Variants in SNRPD1 observed in about 807,000 individuals in gnomAD.
SNRPD1 encodes the protein small nuclear ribonucleoprotein Sm D1.
In SNRPD1, 1 loss-of-function variant was observed where a neutral mutation model predicts 14.4. That is an observed-to-expected ratio of 0.07 (90% CI 0.02 to 0.33). The LOEUF (loss-of-function observed/expected upper bound fraction) is 0.33. Among genes scored for constraint, SNRPD1 ranks in the 10% least tolerant of loss-of-function variants. SNRPD1 has a pLI of 1.00. For synonymous variants in SNRPD1, 42 were observed against 50.3 expected (o/e 0.83, Z 0.70); for missense variants, 52 against 146.4 (o/e 0.36, Z 3.33).
intron 1 of SNRPD1, among the ~76,000 whole-genome samples, chr18:21,616,887 C>T (rs970026493): frequency 4.6e-5 from 7 of 151,082 alleles, no homozygotes; most frequent in Non-Finnish European, 8.8e-5. Flanking sequence ...GGGATTTCAC[C>T]ACTTTGGCCA....
At chr18:21,622,638 T>G in intron 1 of SNRPD1, 87 bp from the exon 2 acceptor site, 1 of 679,418 alleles carries the variant, frequency 1.5e-6, no homozygotes, top group African/African-American at 1.8e-5. Flanking sequence ...CTAGCAAATT[T>G]TCAACATCGA....
chr18:21,615,525 G>A (rs2038950584), intron 1 of SNRPD1, among the ~76,000 whole-genome samples: 2 of 152,114 alleles, frequency 1.3e-5, no homozygotes, highest in African/African-American at 4.8e-5. Context: ...GGCTGAGGCA[G>A]GAGAATCCCT....
rs1485797910 is a variant in SNRPD1, at chr18:21,631,335, T to A, written c.*2197T>A. 1 of 151,450 alleles carries A rather than the reference T, an allele frequency of 6.6e-6. No homozygotes were observed. The highest frequency in any genetic ancestry group is 6.6e-5 in the Admixed American group (1 of 15,140). 9.4% of individuals were successfully genotyped at this position (151,450 alleles called of 1,614,324 possible). On this transcript the variant is annotated 3_prime_UTR_variant, in exon 4 of 4. Coordinates refer to ENST00000300413, the MANE Select transcript of SNRPD1 (RefSeq NM_006938.4). ...TTAGTAGAGACGGGGTTTCACCATG[T>A]TGGCCAGACTTAAGACAATTCTTTA... is the stretch of plus-strand genomic sequence containing the variant.
At position 21,619,558 on chromosome 18, in the gene SNRPD1, G is replaced by A. The variant is rs892820704; in HGVS notation, c.15-3167G>A. Among the ~76,000 whole-genome samples the A allele has an allele frequency of 7.3e-5, 11 of 150,114 alleles. No homozygotes were observed. The East Asian group carries it at 2.3e-3, about 32-fold the overall frequency. On this transcript the variant is annotated intron_variant, in intron 1 of 3. Transcript: ENST00000300413. Reference sequence around the variant, plus strand: ...CCAGCACTTTGGGAGGCCAAGGTGGGCAGATCACCTGAGGTCAGAAGTTCG... The same window carrying A: ...CCAGCACTTTGGGAGGCCAAGGTGGACAGATCACCTGAGGTCAGAAGTTCG...
At position 21,621,817 on chromosome 18, in the gene SNRPD1, TC is replaced by T. The variant is rs760220727; in HGVS notation, c.15-906del. On this transcript the variant is annotated intron_variant, in intron 1 of 3. Transcript: ENST00000300413. ...GTCTTGAATTCCTGACCTCAGATGA[TC>T]CGCCCTCCTCGGCCTCCCAAAGTGC... Among the ~76,000 whole-genome samples, 157 of 152,246 alleles carry T rather than the reference TC, an allele frequency of 1.0e-3. 1 individual carries two copies. The highest frequency in any genetic ancestry group is 1.1e-3 in the Non-Finnish European group (77 of 68,028).
rs1220420580 is a variant in SNRPD1, at chr18:21,630,835, AATAG to A, written c.*1701_*1704del. On this transcript the variant is annotated 3_prime_UTR_variant, in exon 4 of 4. Coordinates refer to ENST00000300413, the MANE Select transcript of SNRPD1 (RefSeq NM_006938.4). The stretch of plus-strand genomic sequence containing the variant: ...TTATACTAATATATAAATATATACT[AATAG>A]ATATATTAGTATACATGTAGAATGT... 2.0e-5 allele frequency: 3 copies of A among 148,504 alleles called. No individual in the cohort carries two copies. Among genetic ancestry groups the A allele is most frequent in the African/African-American group, 7.3e-5 (3 of 40,884 alleles). The allele number at this position is 148,504 out of a possible 1,614,324, so 9.2% of individuals were successfully genotyped here. A position where few individuals can be genotyped will look rare whatever the true frequency, so the allele number is the denominator to read the frequency against.
intron 1 of SNRPD1, among the ~76,000 whole-genome samples, chr18:21,620,258 A>G (rs2038988010): frequency 6.6e-6 from 1 of 151,496 alleles, no homozygotes; most frequent in Non-Finnish European, 1.5e-5. Flanking sequence ...CCGGCCAACT[A>G]ATTTTTTTTT....
rs56754076 is a variant in SNRPD1 at position 21,631,427 on chromosome 18, GTTTTTTTTTTTTTT to G, written c.*2302_*2315del. On this transcript the variant is annotated 3_prime_UTR_variant, in exon 4 of 4. Coordinates refer to ENST00000300413, the MANE Select transcript of SNRPD1 (RefSeq NM_006938.4). ...ACCAATATGTAATTTTTCTCCACAC[GTTTTTTTTTTTTTT>G]TTTTTTTTTTTTCTGGAGACAGTCT... 3.0e-5 allele frequency: 2 copies of G among 67,430 alleles called. No individual in the cohort carries two copies. The highest frequency in any genetic ancestry group is 7.9e-5 in the African/African-American group (1 of 12,602). 4.2% of individuals were successfully genotyped at this position (67,430 alleles called of 1,614,324 possible).
chr18:21,629,313 T>G lies in SNRPD1; in HGVS notation c.*175T>G. 1 of 550,738 alleles carries G rather than the reference T, an allele frequency of 1.8e-6. No individual in the cohort carries two copies. Among genetic ancestry groups the G allele is most frequent in the Non-Finnish European group, 3.3e-6 (1 of 305,880 alleles). 34.1% of individuals were successfully genotyped at this position (550,738 alleles called of 1,614,324 possible). A position where few individuals can be genotyped will look rare whatever the true frequency, so the allele number is the denominator to read the frequency against. ...AATTACCACAGTGAGAGCTAAGCAT[T>G]TCTACTGGGCAGTTTCATTTTTAGT... On this transcript the variant is annotated 3_prime_UTR_variant, in exon 4 of 4. Coordinates refer to ENST00000300413, the MANE Select transcript of SNRPD1 (RefSeq NM_006938.4).
At chr18:21,625,567 C>T (rs552197124) in intron 3 of SNRPD1, among the ~76,000 whole-genome samples, 7 of 151,920 alleles carry the variant, frequency 4.6e-5, no homozygotes, top group Admixed American at 1.3e-4. Flanking sequence ...CCACCCGCCT[C>T]GGCCTTCCAA....
intron 2 of SNRPD1, among the ~76,000 whole-genome samples, chr18:21,623,502 C>A (rs775566665): frequency 2.0e-5 from 3 of 152,196 alleles, no homozygotes; most frequent in Non-Finnish European, 2.9e-5. Context: ...AGGGTTCTTC[C>A]ATGGCTTGCT....
intron 3 of SNRPD1, among the ~76,000 whole-genome samples, chr18:21,625,377 C>T (rs897161567): frequency 1.5e-5 from 2 of 130,104 alleles, no homozygotes; most frequent in African/African-American, 3.2e-5. Context: ...AGTGCAGTGG[C>T]AGGATCTCAG....
At chr18:21,612,565 C>T in intron 1 of SNRPD1, 122 bp downstream of exon 1, 1 of 704,758 alleles carries the variant, frequency 1.4e-6, no homozygotes, top group Non-Finnish European at 2.2e-6. Flanking sequence ...CTGCTAACGG[C>T]CGGCCTTACT....
rs1254363704 is a variant in SNRPD1 at position 21,633,504 on chromosome 18, TAAAG to T, written c.*4368_*4371del. On this transcript the variant is annotated 3_prime_UTR_variant, in exon 4 of 4. Transcript: ENST00000300413. ...GTGAAATTCTTGTGGATCTGTGAAA[TAAAG>T]AGGAGTACTTTCTTTTCGTTTTTTT... 1 of 152,114 alleles carries T rather than the reference TAAAG, an allele frequency of 6.6e-6. No homozygotes were observed. The allele number at this position is 152,114 out of a possible 1,614,324, so 9.4% of individuals were successfully genotyped here. A position where few individuals can be genotyped will look rare whatever the true frequency, so the allele number is the denominator to read the frequency against.
rs2039081317 is a variant in SNRPD1 at position 21,631,290 on chromosome 18, C to T, written c.*2152C>T. 2 of 151,778 alleles carry T rather than the reference C, an allele frequency of 1.3e-5. No homozygotes were observed. Among genetic ancestry groups the T allele is most frequent in the South Asian group, 2.1e-4 (1 of 4,814 alleles). The allele number at this position is 151,778 out of a possible 1,614,324, so 9.4% of individuals were successfully genotyped here. A position where few individuals can be genotyped will look rare whatever the true frequency, so the allele number is the denominator to read the frequency against. On this transcript the variant is annotated 3_prime_UTR_variant, in exon 4 of 4. Transcript: ENST00000300413. ...GATTATAAGCGTGCGCCACCACACC[C>T]AGCTAATTTTTTTGTATTTTTAGTA...
chr18:21,632,853 T>TTCTCC lies in SNRPD1; in HGVS notation c.*3718_*3719insCCTCT, dbSNP rs2039094775. 6.6e-6 allele frequency: 1 copy of TTCTCC among 152,142 alleles called. No individual in the cohort carries two copies. Among genetic ancestry groups the TTCTCC allele is most frequent in the Non-Finnish European group, 1.4e-5 (1 of 70,000 alleles). The allele number at this position is 152,142 out of a possible 1,614,324, so 9.4% of individuals were successfully genotyped here. A position where few individuals can be genotyped will look rare whatever the true frequency, so the allele number is the denominator to read the frequency against. The stretch of plus-strand genomic sequence containing the variant: ...TTCTTTTCTTTTCTTTTCTTTTCTT[T>TTCTCC]TCTTTTTTTTTTTTTGAGACAGAGT... On this transcript the variant is annotated 3_prime_UTR_variant, in exon 4 of 4. Coordinates refer to ENST00000300413, the MANE Select transcript of SNRPD1 (RefSeq NM_006938.4).
In SNRPD1 at chr18:21,623,814, T is replaced by C. The variant is rs746642432; in HGVS notation, c.158T>C (p.Val53Ala). Reference protein sequence around the residue: ...VKMTLKNREPVQLETLSIRGN... With the variant: ...VKMTLKNREPAQLETLSIRGN... ...ATGACCCTGAAGAACAGAGAACCTG[T>C]ACAGCTGGAAACGCTGAGTATTCGA... Residue 53 changes from valine (V) to alanine (A), a missense_variant, in exon 3 of 4, where the codon GTA (valine) becomes GCA (alanine). Coordinates refer to ENST00000300413, the MANE Select transcript of SNRPD1 (RefSeq NM_006938.4). 3 of 1,613,372 alleles carry C rather than the reference T, an allele frequency of 1.9e-6. No homozygotes were observed. The highest frequency in any genetic ancestry group is 2.2e-5 in the East Asian group (1 of 44,868).
In SNRPD1 at chr18:21,630,258, T is replaced by A. The variant is rs1267336888; in HGVS notation, c.*1120T>A. The A allele has an allele frequency of 6.6e-6, 1 of 152,172 alleles. No homozygotes were observed. Among genetic ancestry groups the A allele is most frequent in the Non-Finnish European group, 1.5e-5 (1 of 68,032 alleles). The allele number at this position is 152,172 out of a possible 1,614,324, so 9.4% of individuals were successfully genotyped here. ...TATTTGACAGCAAAACTGTTCTAAT[T>A]GTTAATAAGGACTTTTAAAAATTGT... On this transcript the variant is annotated 3_prime_UTR_variant, in exon 4 of 4. Transcript: ENST00000300413.
At chr18:21,621,020 T>C (rs911351855) in intron 1 of SNRPD1, among the ~76,000 whole-genome samples, 2 of 151,410 alleles carry the variant, frequency 1.3e-5, no homozygotes, top group African/African-American at 4.9e-5. Flanking sequence ...TACAAAAAAT[T>C]AGCCAGGTGT....
Sources: allele counts gnomAD v4.1 joint callset (sites outside exome capture counted in the v4.1 genomes callset), GRCh38; gene constraint gnomAD v4.1.1; transcripts MANE v1.5; gene names NCBI Gene and HGNC (gene_info 2026-07-23, HGNC 2026-07-21).